NRG1: variants seen among roughly 807,000 people sequenced by gnomAD.
NRG1 encodes neuregulin 1, also known as pro-neuregulin-1, membrane-bound isoform.
In NRG1, 18 loss-of-function variants were observed where a neutral mutation model predicts 63.8. The ratio of observed to expected loss-of-function variants is 0.28; its 90% CI spans 0.19 to 0.42. The LOEUF (loss-of-function observed/expected upper bound fraction) is 0.42, where lower values mean the gene tolerates loss of function less well. Ranked by LOEUF, NRG1 falls within the 10% of genes least tolerant of loss-of-function variation. The probability of loss-of-function intolerance (pLI) is 1.00; values close to 1 mark genes in which losing one functional copy is unlikely to be tolerated. For synonymous variants in NRG1, 302 were observed against 301.3 expected, an observed-to-expected ratio of 1.00 and a Z score of -0.02; for missense variants, 762 against 814.7, an observed-to-expected ratio of 0.94 and a Z score of 0.79.
At chr8:31,656,483 G>A (rs142491689) in intron 1 of NRG1, among the ~76,000 whole-genome samples, 3 of 152,250 alleles carry the variant, frequency 2.0e-5, no homozygotes, top group Non-Finnish European at 4.4e-5. Context: ...GCCAACTTCC[G>A]GTTAAGATTG....
At chr8:32,006,185 T>C (rs1813736747) in intron 1 of NRG1, among the ~76,000 whole-genome samples, 1 of 152,052 alleles carries the variant, frequency 6.6e-6, no homozygotes, top group Non-Finnish European at 1.5e-5. Flanking sequence ...TTTTTGGTTG[T>C]GTGGACATAG....
chr8:32,559,199 T>G (rs1835826289), intron 1 of NRG1, among the ~76,000 whole-genome samples: 3 of 143,798 alleles, frequency 2.1e-5, no homozygotes, highest in Non-Finnish European at 4.5e-5. Context: ...CTTTGGAAAA[T>G]TCACAATGTT....
chr8:32,253,073 T>C (rs962880652), intron 1 of NRG1, among the ~76,000 whole-genome samples: 1 of 152,230 alleles, frequency 6.6e-6, no homozygotes, highest in African/African-American at 2.4e-5. Context: ...TGAAATTGCT[T>C]ATCATTTTAA....
intron 1 of NRG1, among the ~76,000 whole-genome samples, chr8:31,791,538 C>T (rs913523036): frequency 6.6e-6 from 1 of 152,160 alleles, no homozygotes; most frequent in African/African-American, 2.4e-5. Flanking sequence ...CACAATATTA[C>T]CTAATGCTAT....
intron 1 of NRG1, among the ~76,000 whole-genome samples, chr8:32,233,563 A>ATATATATATATATTTTT (rs34593729): frequency 1.5e-5 from 1 of 67,254 alleles, no homozygotes; most frequent in African/African-American, 7.8e-5. Flanking sequence ...ATATATATAT[A>ATATATATATATATTTTT]TTTTTTTTTT....
chr8:31,865,145 A>T (rs1397596782), intron 1 of NRG1, among the ~76,000 whole-genome samples: 1 of 150,562 alleles, frequency 6.6e-6, no homozygotes, highest in Non-Finnish European at 1.5e-5. Flanking sequence ...GGAGCCTGTT[A>T]TGTAGTCTAT....
intron 1 of NRG1, among the ~76,000 whole-genome samples, chr8:32,004,123 G>A (rs1813366153): frequency 6.6e-6 from 1 of 151,910 alleles, no homozygotes; most frequent in South Asian, 2.1e-4. Flanking sequence ...AGTGGCAGAA[G>A]CCAGTCTGAA....
chr8:31,897,082 A>T (rs866600911), intron 1 of NRG1, among the ~76,000 whole-genome samples: 4 of 152,194 alleles, frequency 2.6e-5, no homozygotes, highest in African/African-American at 7.2e-5. Flanking sequence ...TCCCATTCAA[A>T]TTCTGTTTCT....
At chr8:31,838,545 C>G (rs1278119138) in intron 1 of NRG1, among the ~76,000 whole-genome samples, 2 of 152,092 alleles carry the variant, frequency 1.3e-5, no homozygotes, top group African/African-American at 4.8e-5. Context: ...TTTCGAAAAG[C>G]ATTGAATCTT....
At chr8:32,282,897 T>C (rs1563267877) in intron 1 of NRG1, among the ~76,000 whole-genome samples, 1 of 152,096 alleles carries the variant, frequency 6.6e-6, no homozygotes, top group Admixed American at 6.6e-5. Flanking sequence ...AGAAGACAGG[T>C]TAAAAAAGAA....
At chr8:32,082,452 A>C (rs913433733) in intron 1 of NRG1, among the ~76,000 whole-genome samples, 7 of 151,980 alleles carry the variant, frequency 4.6e-5, no homozygotes, top group Middle Eastern at 3.4e-3. Context: ...CCCGCTTATT[A>C]GTGAGAACAT....
intron 1 of NRG1, among the ~76,000 whole-genome samples, chr8:31,927,673 C>T (rs1489772870): frequency 1.2e-3 from 172 of 149,146 alleles, no homozygotes; most frequent in African/African-American, 4.0e-3. Context: ...TGGTCTCGAT[C>T]TCCTGACCTC....
intron 1 of NRG1, among the ~76,000 whole-genome samples, chr8:32,285,017 C>A (rs1853363875): frequency 6.6e-6 from 1 of 152,142 alleles, no homozygotes; most frequent in African/African-American, 2.4e-5. Context: ...CCCATTTGTC[C>A]TCCTTGCAAT....
intron 1 of NRG1, among the ~76,000 whole-genome samples, chr8:31,988,741 G>T (rs1205130733): frequency 6.6e-6 from 1 of 152,072 alleles, no homozygotes; most frequent in African/African-American, 2.4e-5. Context: ...CTGAATTGCT[G>T]CATATCACAA....
Position 32,371,935 on chromosome 8 carries a change from G to A in NRG1, c.38-223893G>A, listed in dbSNP as rs115808227. Among the ~76,000 whole-genome samples the A allele has an allele frequency of 5.0e-3, 750 of 150,494 alleles. 4 individuals are homozygous for A. The highest frequency in any genetic ancestry group is 0.017 in the Middle Eastern group (5 of 288). On this transcript the variant is annotated intron_variant, in intron 1 of 10. Coordinates refer to the NRG1 transcript ENST00000519301. ...TACTTGTAGCTGAACGCAATGAATT[G>A]TGAGATACGATTTACCACAATTTTT...
At chr8:31,781,001 T>C (rs1819630743) in intron 1 of NRG1, among the ~76,000 whole-genome samples, 1 of 152,220 alleles carries the variant, frequency 6.6e-6, no homozygotes, top group African/African-American at 2.4e-5. Flanking sequence ...TTTCTTTTCA[T>C]AAATTTTCTT....
At chr8:32,154,591 T>C (rs1055267616) in intron 1 of NRG1, among the ~76,000 whole-genome samples, 1 of 152,138 alleles carries the variant, frequency 6.6e-6, no homozygotes, top group Non-Finnish European at 1.5e-5. Context: ...CCACCCATTT[T>C]CCTATGTAAA....
intron 1 of NRG1, among the ~76,000 whole-genome samples, chr8:31,694,694 C>T (rs77419889): frequency 0.023 from 3,493 of 152,212 alleles, 137 homozygotes; most frequent in African/African-American, 0.077. Flanking sequence ...GGGACATTTG[C>T]GGCATCTAAC....
intron 1 of NRG1, among the ~76,000 whole-genome samples, chr8:32,095,194 G>A (rs10954827): frequency 0.49 from 74,603 of 152,092 alleles, 21,109 homozygotes; most frequent in Admixed American, 0.63. Context: ...ACAGGCGTGA[G>A]CCTCTGCGCC....
Sources: allele counts gnomAD v4.1 joint callset (sites outside exome capture counted in the v4.1 genomes callset), GRCh38; gene constraint gnomAD v4.1.1; transcripts MANE v1.5; gene names NCBI Gene and HGNC (gene_info 2026-07-23, HGNC 2026-07-21).